The following MIS18BP1 variants were observed in gnomAD, a reference collection of about 807,000 sequenced individuals.
MIS18BP1 encodes the protein mis18-binding protein 1.
A neutral mutation model predicts 116.1 loss-of-function variants in MIS18BP1; 72 were observed. The observed-to-expected ratio is 0.62, with a 90% CI of 0.51 to 0.75. The LOEUF is 0.75. Among genes scored for constraint, MIS18BP1 ranks in the 30% least tolerant of loss-of-function variants. The probability of loss-of-function intolerance (pLI) is 0.00; values close to 1 mark genes in which losing one functional copy is unlikely to be tolerated. For synonymous variants in MIS18BP1, 386 were observed against 427.0 expected (o/e 0.90, Z 1.18); for missense variants, 1,363 against 1,303.2 (o/e 1.05, Z -0.71).
At chr14:45,251,302 C>G (rs1428999869) in intron 1 of MIS18BP1, among the ~76,000 whole-genome samples, 1 of 151,982 alleles carries the variant, frequency 6.6e-6, no homozygotes, top group Non-Finnish European at 1.5e-5. Flanking sequence ...AATATATAGC[C>G]TGGGTTTTTA....
rs1890650620 is a variant in MIS18BP1, at chr14:45,210,669, G to A, written c.3004-141C>T. On this transcript the variant is annotated intron_variant, in intron 13 of 16. Coordinates refer to ENST00000310806, the MANE Select transcript of MIS18BP1 (RefSeq NM_018353.5). ...TAATTAAAAACAGTAGTACGTAGAG[G>A]AGTAGAGGCTAGAGGAACTCCATTT... 8 of 959,202 alleles carry A rather than the reference G, an allele frequency of 8.3e-6. No homozygotes were observed. The Admixed American group carries it at 1.7e-4, about 21-fold the overall frequency. The allele number at this position is 959,202 out of a possible 1,614,324, so 59.4% of individuals were successfully genotyped here.
chr14:45,227,824 C>T lies in MIS18BP1; in HGVS notation c.1595-10G>A. The T allele has an allele frequency of 6.2e-7, 1 of 1,609,404 alleles. No individual in the cohort carries two copies. Among genetic ancestry groups the T allele is most frequent in the South Asian group, 1.1e-5 (1 of 90,326 alleles). On this transcript the variant is annotated splice_polypyrimidine_tract_variant and intron_variant, in intron 8 of 16. Coordinates refer to ENST00000310806, the MANE Select transcript of MIS18BP1 (RefSeq NM_018353.5). Reference sequence around the variant, plus strand: ...TTATTACTCTTCAGTTCTATGAATACAAAGATGGAGATTTCAATAAATGGT... The same window carrying T: ...TTATTACTCTTCAGTTCTATGAATATAAAGATGGAGATTTCAATAAATGGT...
intron 1 of MIS18BP1, among the ~76,000 whole-genome samples, chr14:45,252,732 G>A (rs990140665): frequency 2.7e-4 from 41 of 151,536 alleles, no homozygotes; most frequent in African/African-American, 9.2e-4. Flanking sequence ...GGAAGAGTTG[G>A]GTACTGAGGA....
intron 14 of MIS18BP1, 22 bp from the exon 15 acceptor site, chr14:45,206,192 T>C: frequency 6.7e-7 from 1 of 1,497,614 alleles, no homozygotes; most frequent in East Asian, 2.3e-5. Context: ...CGAAATAATT[T>C]TAAGTCAACA....
chr14:45,224,681 C>A lies in MIS18BP1; in HGVS notation c.1906G>T (p.Glu636Ter). The part of the protein sequence containing the change: ...LTSREQFFSD[E>*]ERKYMAINQK... ...TTGATGGCCATGTATTTTCTTTCTT[C>A]ATCTGAGAAAAACTGTTCCCTTGAG... is the stretch of plus-strand genomic sequence containing the variant. The change falls in exon 11 of 17, where the codon GAA becomes TAA. Residue 636 changes from glutamate to a stop codon, truncating the protein, a stop_gained. Transcript: ENST00000310806. LOFTEE classifies it high-confidence loss of function. 2 of 1,610,708 alleles carry A rather than the reference C, an allele frequency of 1.2e-6. No homozygotes were observed. Among genetic ancestry groups the A allele is most frequent in the Non-Finnish European group, 1.7e-6 (2 of 1,179,116 alleles).
chr14:45,206,948 G>A (rs183256252), intron 14 of MIS18BP1, among the ~76,000 whole-genome samples: 6,178 of 152,026 alleles, frequency 0.041, 274 homozygotes, highest in African/African-American at 0.12. Flanking sequence ...AACTGTGCTG[G>A]GTTTCTAATC....
intron 11 of MIS18BP1, among the ~76,000 whole-genome samples, chr14:45,220,802 C>T (rs1890951420): frequency 6.6e-6 from 1 of 152,104 alleles, no homozygotes; most frequent in African/African-American, 2.4e-5. Flanking sequence ...AACTCCTAGG[C>T]CCATGCTGCA....
intron 15 of MIS18BP1, 58 bp downstream of exon 15, chr14:45,206,025 G>T: frequency 1.8e-6 from 2 of 1,124,258 alleles, no homozygotes; most frequent in Admixed American, 1.9e-5. Flanking sequence ...AACTACCACA[G>T]TTTATCACAT....
chr14:45,242,274 T>C lies in MIS18BP1; in HGVS notation c.903A>G (p.Leu301=). 1 of 1,614,122 alleles carries C rather than the reference T, an allele frequency of 6.2e-7. No homozygotes were observed. Among genetic ancestry groups the C allele is most frequent in the Non-Finnish European group, 8.5e-7 (1 of 1,180,010 alleles). ...TTGTCCTCTCACTATCAGAAACCAT[T>C]AACAGGCTGCCATTTTTAATAGGAA... ...NCIPIKNGSL[L]MVSDSERTTE... Residue 301 remains leucine (L), a synonymous_variant, in exon 4 of 17, where the codon TTA becomes TTG. Coordinates refer to ENST00000310806, the MANE Select transcript of MIS18BP1 (RefSeq NM_018353.5).
At chr14:45,240,590 T>C (rs1437136004) in intron 4 of MIS18BP1, among the ~76,000 whole-genome samples, 1 of 152,140 alleles carries the variant, frequency 6.6e-6, no homozygotes, top group Non-Finnish European at 1.5e-5. Flanking sequence ...CACAGACCTC[T>C]TTCAAATGTC....
chr14:45,205,225 T>G (rs982846021), intron 15 of MIS18BP1, among the ~76,000 whole-genome samples: 4 of 152,122 alleles, frequency 2.6e-5, no homozygotes, highest in Admixed American at 2.6e-4. Flanking sequence ...AAACACTGCA[T>G]TATATCATTT....
At position 45,241,940 on chromosome 14, in the gene MIS18BP1, C is replaced by CA. The variant is rs1363952884; in HGVS notation, c.1143+93_1143+94insT. ...TGAAGCATACAGGTTCAAATCCTAG[C>CA]TAGAAAAAAAATAATGAGAGAACAT... On this transcript the variant is annotated intron_variant, in intron 4 of 16. Coordinates refer to ENST00000310806, the MANE Select transcript of MIS18BP1 (RefSeq NM_018353.5). The CA allele has an allele frequency of 4.1e-5, 56 of 1,362,502 alleles. No homozygotes were observed. In the East Asian group the frequency reaches 1.2e-3, roughly 30 times the overall value. The allele number at this position is 1,362,502 out of a possible 1,614,324, so 84.4% of individuals were successfully genotyped here.
At chr14:45,222,761 C>T (rs1891009108) in intron 11 of MIS18BP1, among the ~76,000 whole-genome samples, 1 of 152,186 alleles carries the variant, frequency 6.6e-6, no homozygotes. Flanking sequence ...TTTCCTACTT[C>T]CTCTCTTTCC....
Position 45,218,293 on chromosome 14 carries a change from T to C in MIS18BP1, c.2831A>G (p.Lys944Arg), listed in dbSNP as rs1890877181. 1.9e-6 allele frequency: 3 copies of C among 1,613,754 alleles called. No homozygotes were observed. Among genetic ancestry groups the C allele is most frequent in the African/African-American group, 1.3e-5 (1 of 74,894 alleles). Residue 944 changes from lysine to arginine, a missense_variant, in exon 12 of 17, where the codon AAA (lysine) becomes AGA (arginine). Physicochemically the swap from Lys to Arg is conservative, Grantham distance 26. Coordinates refer to ENST00000310806, the MANE Select transcript of MIS18BP1 (RefSeq NM_018353.5). ...HVTKKKPANS[K>R]GQNGKRGDAD... ...ACTACGAAGGTTACCATTTTGGCCTTTGGAATTGGCTGGCTTCTTCTTAGT... is the reference window on the plus strand; with the variant it reads ...ACTACGAAGGTTACCATTTTGGCCTCTGGAATTGGCTGGCTTCTTCTTAGT...
chr14:45,252,431 G>C (rs894382023), intron 1 of MIS18BP1, among the ~76,000 whole-genome samples: 1 of 152,214 alleles, frequency 6.6e-6, no homozygotes, highest in East Asian at 1.9e-4. Flanking sequence ...AACACATACA[G>C]GCATAGAGAA....
At chr14:45,238,540 T>A (rs1174366744) in intron 4 of MIS18BP1, among the ~76,000 whole-genome samples, 1 of 152,206 alleles carries the variant, frequency 6.6e-6, no homozygotes, top group African/African-American at 2.4e-5. Context: ...TAAAAAATTA[T>A]AGGTGATGGC....
rs75131032 is a variant in MIS18BP1, at chr14:45,220,460, G to A, written c.2670-2006C>T. 1.5e-3 allele frequency among the ~76,000 whole-genome samples: 224 copies of A among 152,194 alleles called. 1 individual carries two copies. Among genetic ancestry groups the A allele is most frequent in the African/African-American group, 5.3e-3 (220 of 41,530 alleles). On this transcript the variant is annotated intron_variant, in intron 11 of 16. Transcript: ENST00000310806. ...TAGGGGGAGGTGATTGGTTAACGGA[G>A]GTAGATTCCTCATGAATGATTTAGC...
At chr14:45,214,828 T>G (rs1890771719) in intron 13 of MIS18BP1, among the ~76,000 whole-genome samples, 1 of 152,250 alleles carries the variant, frequency 6.6e-6, no homozygotes, top group Non-Finnish European at 1.5e-5. Flanking sequence ...CTCAGCTCAC[T>G]GCAACCTCCC....
intron 1 of MIS18BP1, among the ~76,000 whole-genome samples, chr14:45,250,418 A>G (rs1463916038): frequency 6.6e-6 from 1 of 152,212 alleles, no homozygotes; most frequent in Non-Finnish European, 1.5e-5. Flanking sequence ...CAGCTAAACA[A>G]AGAAATCAGC....
Sources: allele counts gnomAD v4.1 joint callset (sites outside exome capture counted in the v4.1 genomes callset), GRCh38; gene constraint gnomAD v4.1.1; transcripts MANE v1.5; gene names NCBI Gene and HGNC (gene_info 2026-07-23, HGNC 2026-07-21).